The following ZKSCAN7 variants were observed in gnomAD, a reference collection of about 807,000 sequenced individuals.
ZKSCAN7 encodes zinc finger with KRAB and SCAN domains 7, also known as zinc finger protein with KRAB and SCAN domains 7.
A neutral mutation model predicts 65.3 loss-of-function variants in ZKSCAN7; 38 were observed. The observed-to-expected ratio is 0.58, with a 90% CI of 0.45 to 0.76. The LOEUF is 0.76. Among genes scored for constraint, ZKSCAN7 ranks in the 30% least tolerant of loss-of-function variants. The pLI is 0.00. For missense variants in ZKSCAN7, 815 were observed against 913.3 expected (o/e 0.89, Z 1.39); for synonymous variants, 321 against 321.0 (o/e 1.00, Z 0.00).
At chr3:44,563,050 T>C (rs545443768) in intron 2 of ZKSCAN7, among the ~76,000 whole-genome samples, 6 of 152,188 alleles carry the variant, frequency 3.9e-5, no homozygotes, top group Admixed American at 3.9e-4. Flanking sequence ...TCCACAGATA[T>C]CTAGAGCAGG....
intron 5 of ZKSCAN7, among the ~76,000 whole-genome samples, chr3:44,581,911 C>A (rs1390152469): frequency 2.0e-5 from 3 of 152,196 alleles, no homozygotes; most frequent in Non-Finnish European, 4.4e-5. Flanking sequence ...ACAGTTCTGT[C>A]AAGATGTTGA....
intron 5 of ZKSCAN7, chr3:44,578,353 T>A (rs914209734): frequency 1.9e-6 from 3 of 1,604,968 alleles, no homozygotes; most frequent in Non-Finnish European, 1.7e-6. Flanking sequence ...CCTTGCCCTG[T>A]GCAAGGGGTG....
At chr3:44,581,174 C>T (rs1273127287) in intron 5 of ZKSCAN7, 1 of 822,570 alleles carries the variant, frequency 1.2e-6, no homozygotes. Context: ...TCGCTGCACG[C>T]GCCGAGGCTC....
chr3:44,572,611 A>G (rs1699837827), downstream of ZKSCAN7, among the ~76,000 whole-genome samples: 1 of 151,998 alleles, frequency 6.6e-6, no homozygotes, highest in South Asian at 2.1e-4. Context: ...GGACTTTGGG[A>G]GGCTGAGGCA....
At chr3:44,557,493 G>C (rs1210172719) in intron 2 of ZKSCAN7, 23 bp downstream of exon 2, 3 of 1,612,766 alleles carry the variant, frequency 1.9e-6, no homozygotes, top group Non-Finnish European at 2.5e-6. Flanking sequence ...GTCTAGAATG[G>C]CGGCCTGATG....
intron 1 of ZKSCAN7, among the ~76,000 whole-genome samples, chr3:44,556,332 T>C (rs1337292025): frequency 6.6e-6 from 1 of 152,206 alleles, no homozygotes; most frequent in Non-Finnish European, 1.5e-5. Context: ...GTTGCCTTTG[T>C]TCATGGTCTT....
At chr3:44,579,855 G>T in intron 5 of ZKSCAN7, 1 of 1,610,592 alleles carries the variant, frequency 6.2e-7, no homozygotes, top group South Asian at 1.1e-5. Flanking sequence ...TGCTTAGTCA[G>T]CCAGCCTTTC....
chr3:44,580,310 C>T lies in ZKSCAN7; in HGVS notation c.812-2662C>T, dbSNP rs1263743187. ...TCATGGCGCTCTCCTCTTCTTTGCTCTCCAGCCCAGGTTCCCGCAGGGAGC... is the reference window on the plus strand; with the variant it reads ...TCATGGCGCTCTCCTCTTCTTTGCTTTCCAGCCCAGGTTCCCGCAGGGAGC... On this transcript the variant is annotated intron_variant, in intron 5 of 5. Coordinates refer to the ZKSCAN7 transcript ENST00000341840. The T allele has an allele frequency of 7.4e-6, 12 of 1,613,780 alleles. 1 individual carries two copies. In the South Asian group the frequency reaches 1.1e-4, roughly 15 times the overall value.
At chr3:44,582,963 G>T in intron 5 of ZKSCAN7, 1 of 446,452 alleles carries the variant, frequency 2.2e-6, no homozygotes. Context: ...TTTCACTCTT[G>T]TCTTCCAGGC....
At chr3:44,575,647 G>A (rs1292554262), downstream of ZKSCAN7, among the ~76,000 whole-genome samples, 3 of 152,218 alleles carry the variant, frequency 2.0e-5, no homozygotes, top group East Asian at 1.9e-4. Context: ...GCACGATCTC[G>A]GCTCACTGCA....
chr3:44,570,003 C>T lies in ZKSCAN7; in HGVS notation c.893C>T (p.Ser298Leu). 3 of 1,611,286 alleles carry T rather than the reference C, an allele frequency of 1.9e-6. No individual in the cohort carries two copies. The highest frequency in any genetic ancestry group is 2.5e-6 in the Non-Finnish European group (3 of 1,179,092). Reference sequence around the variant, plus strand: ...GGATCAGAGTCATCTAACAGGACATCAGGGGGACTCTTTGGGGTGGTTCCT... The same window carrying T: ...GGATCAGAGTCATCTAACAGGACATTAGGGGGACTCTTTGGGGTGGTTCCT... ...FKGSESSNRT[S>L]GGLFGVVPGA... Residue 298 changes from serine to leucine, a missense_variant, in exon 6 of 6, where the codon TCA becomes TTA. Ser to Leu is a moderately radical substitution (Grantham distance 145). Coordinates refer to ENST00000426540, the MANE Select transcript of ZKSCAN7 (RefSeq NM_001288590.2).
Position 44,571,585 on chromosome 3 carries a change from G to T in ZKSCAN7, c.*210G>T. ...TAAGGACTACACATGTCATTGAATT[G>T]TAGGTTTCCTTTTTTTTTCTTTACT... On this transcript the variant is annotated 3_prime_UTR_variant, in exon 6 of 6. Coordinates refer to ENST00000426540, the MANE Select transcript of ZKSCAN7 (RefSeq NM_001288590.2). The T allele has an allele frequency of 7.4e-7, 1 of 1,359,968 alleles. No homozygotes were observed. Among genetic ancestry groups the T allele is most frequent in the Non-Finnish European group, 9.4e-7 (1 of 1,059,614 alleles). The allele number at this position is 1,359,968 out of a possible 1,614,324, so 84.2% of individuals were successfully genotyped here.
chr3:44,573,167 T>C (rs532752995), downstream of ZKSCAN7, among the ~76,000 whole-genome samples: 46 of 152,380 alleles, frequency 3.0e-4, no homozygotes, highest in African/African-American at 1.1e-3. Context: ...TCTGTCCTTC[T>C]GCCATCACAT....
intron 5 of ZKSCAN7, chr3:44,578,377 C>T: frequency 1.9e-6 from 3 of 1,613,102 alleles, no homozygotes; most frequent in South Asian, 1.1e-5. Context: ...CAGTGGCCTC[C>T]CCACCGCCGT....
chr3:44,568,549 G>A, intron 5 of ZKSCAN7, 116 bp downstream of exon 5: 2 of 1,459,872 alleles, frequency 1.4e-6, no homozygotes, highest in African/African-American at 1.4e-5. Flanking sequence ...TTAAACTAGA[G>A]TGAATAATAT....
At chr3:44,564,059 G>A (rs1265410429) in intron 2 of ZKSCAN7, among the ~76,000 whole-genome samples, 1 of 152,174 alleles carries the variant, frequency 6.6e-6, no homozygotes, top group Non-Finnish European at 1.5e-5. Flanking sequence ...TATTGAAGGA[G>A]AAGTTATTTT....
chr3:44,573,713 A>G (rs1398870030), downstream of ZKSCAN7, among the ~76,000 whole-genome samples: 1 of 152,184 alleles, frequency 6.6e-6, no homozygotes, highest in Non-Finnish European at 1.5e-5. Context: ...CCTGAGCTGG[A>G]CATTTCTGGT....
chr3:44,560,392 T>G (rs961088900), intron 2 of ZKSCAN7, among the ~76,000 whole-genome samples: 1 of 152,194 alleles, frequency 6.6e-6, no homozygotes, highest in African/African-American at 2.4e-5. Context: ...GCCACTTTAT[T>G]GCTGCAGAAG....
At position 44,570,756 on chromosome 3, in the gene ZKSCAN7, A is replaced by C; in HGVS notation, c.1646A>C (p.Lys549Thr). 1 of 1,614,220 alleles carries C rather than the reference A, an allele frequency of 6.2e-7. No individual in the cohort carries two copies. The highest frequency in any genetic ancestry group is 8.5e-7 in the Non-Finnish European group (1 of 1,180,032). Residue 549 changes from lysine (K) to threonine (T), a missense_variant, in exon 6 of 6, where the codon AAG becomes ACG. Around this residue, in one of 3 missense-constraint regions of ZKSCAN7, gnomAD observed 578 missense variants for 629.5 expected, o/e 0.92. Coordinates refer to ENST00000426540, the MANE Select transcript of ZKSCAN7 (RefSeq NM_001288590.2). Reference protein sequence around the residue: ...IDHQRIHTGEKPYECSECGKA... With the variant: ...IDHQRIHTGETPYECSECGKA... Reference sequence around the variant, plus strand: ...CATCAGAGAATCCACACTGGGGAGAAGCCTTATGAGTGTAGTGAATGTGGC... The same window carrying C: ...CATCAGAGAATCCACACTGGGGAGACGCCTTATGAGTGTAGTGAATGTGGC...
Sources: allele counts gnomAD v4.1 joint callset (sites outside exome capture counted in the v4.1 genomes callset), GRCh38; gene constraint gnomAD v4.1.1; regional missense constraint gnomAD v4.1.1; transcripts MANE v1.5; gene names NCBI Gene and HGNC (gene_info 2026-07-23, HGNC 2026-07-21).